The following SLCO3A1 variants were observed in gnomAD, a reference collection of about 807,000 sequenced individuals.
The protein encoded by SLCO3A1 is solute carrier organic anion transporter family member 3A1, also known as PGE1 transporter.
A neutral mutation model predicts 63.1 loss-of-function variants in SLCO3A1; 27 were observed. That is an observed-to-expected ratio of 0.43 (90% CI 0.32 to 0.59). The LOEUF (loss-of-function observed/expected upper bound fraction) is 0.59, where lower values mean the gene tolerates loss of function less well. Among genes scored for constraint, SLCO3A1 ranks in the 20% least tolerant of loss-of-function variants. SLCO3A1 has a pLI of 0.09. For synonymous variants in SLCO3A1, 473 were observed against 409.9 expected, an observed-to-expected ratio of 1.15 and a Z score of -1.86; for missense variants, 773 against 945.8, an observed-to-expected ratio of 0.82 and a Z score of 2.40.
At chr15:91,924,857 C>T (rs774407081) in intron 2 of SLCO3A1, among the ~76,000 whole-genome samples, 32 of 152,324 alleles carry the variant, frequency 2.1e-4, no homozygotes, top group Non-Finnish European at 3.1e-4. Flanking sequence ...AAACCAAAAC[C>T]ATTTGTGGCT....
At chr15:92,160,026 C>T (rs2048417575) in intron 9 of SLCO3A1, among the ~76,000 whole-genome samples, 1 of 152,098 alleles carries the variant, frequency 6.6e-6, no homozygotes, top group African/African-American at 2.4e-5. Flanking sequence ...CCCTCAGTTC[C>T]TTCCAGCAGC....
At chr15:92,141,502 C>A (rs1205428089) in intron 7 of SLCO3A1, among the ~76,000 whole-genome samples, 1 of 152,160 alleles carries the variant, frequency 6.6e-6, no homozygotes, top group African/African-American at 2.4e-5. Flanking sequence ...CCTTTATCAT[C>A]CCCTTAAATT....
At chr15:92,102,382 A>G (rs533538663) in intron 3 of SLCO3A1, among the ~76,000 whole-genome samples, 2 of 152,190 alleles carry the variant, frequency 1.3e-5, no homozygotes, top group African/African-American at 2.4e-5. Context: ...ATATATGTAC[A>G]TAAAAGTGAG....
intron 2 of SLCO3A1, among the ~76,000 whole-genome samples, chr15:92,023,270 C>T (rs1267826599): frequency 6.6e-6 from 1 of 152,130 alleles, no homozygotes; most frequent in Non-Finnish European, 1.5e-5. Flanking sequence ...ACAGAACATA[C>T]AAGGAAAAGT....
intron 2 of SLCO3A1, among the ~76,000 whole-genome samples, chr15:91,935,266 T>C (rs189110872): frequency 6.6e-6 from 1 of 152,260 alleles, no homozygotes; most frequent in East Asian, 1.9e-4. Context: ...CTTCTTAGGA[T>C]AAATAAGAAA....
chr15:92,056,958 C>G (rs1474660806), intron 2 of SLCO3A1, among the ~76,000 whole-genome samples: 3 of 152,180 alleles, frequency 2.0e-5, no homozygotes, highest in African/African-American at 7.2e-5. Flanking sequence ...AATGGAAAGA[C>G]AAACATCATG....
At chr15:92,097,303 C>G (rs138660068) in intron 3 of SLCO3A1, among the ~76,000 whole-genome samples, 1 of 152,342 alleles carries the variant, frequency 6.6e-6, no homozygotes, top group East Asian at 1.9e-4. Flanking sequence ...ACCCCGATCT[C>G]CTGAGCCTGC....
At chr15:92,112,627 C>A (rs2151553403) in intron 4 of SLCO3A1, among the ~76,000 whole-genome samples, 1 of 152,302 alleles carries the variant, frequency 6.6e-6, no homozygotes, top group South Asian at 2.1e-4. Flanking sequence ...CCTCTGGGGG[C>A]CAACAGATCA....
At chr15:92,024,130 A>G (rs892744828) in intron 2 of SLCO3A1, among the ~76,000 whole-genome samples, 1 of 152,260 alleles carries the variant, frequency 6.6e-6, no homozygotes, top group African/African-American at 2.4e-5. Context: ...AACTGTGGAC[A>G]TAGCACAGAC....
At chr15:92,017,333 C>T (rs1483603032) in intron 2 of SLCO3A1, among the ~76,000 whole-genome samples, 1 of 151,606 alleles carries the variant, frequency 6.6e-6, no homozygotes, top group Non-Finnish European at 1.5e-5. Flanking sequence ...ATCTAAGTAG[C>T]AAAAGGAAGC....
chr15:91,983,557 G>C (rs573964642), intron 2 of SLCO3A1, among the ~76,000 whole-genome samples: 1 of 152,276 alleles, frequency 6.6e-6, no homozygotes, highest in African/African-American at 2.4e-5. Context: ...AACGAAGCAT[G>C]AGGCTGAATT....
At chr15:92,011,531 T>G (rs1448312230) in intron 2 of SLCO3A1, among the ~76,000 whole-genome samples, 1 of 152,228 alleles carries the variant, frequency 6.6e-6, no homozygotes, top group African/African-American at 2.4e-5. Flanking sequence ...AAATTCCATC[T>G]TATCAGAGAG....
chr15:92,144,499 A>C (rs958283597), intron 7 of SLCO3A1, among the ~76,000 whole-genome samples: 1 of 152,234 alleles, frequency 6.6e-6, no homozygotes, highest in African/African-American at 2.4e-5. Context: ...TACAGAGAGG[A>C]ACCACCCTTA....
Position 91,941,444 on chromosome 15 carries a change from C to T in SLCO3A1, c.646+24986C>T, listed in dbSNP as rs1899617026. ...GCGCTGTCACTCGTTGAGGTGGTGG[C>T]CTGGTTCCTTTGGCCTTAGGGAAGG... On this transcript the variant is annotated intron_variant, in intron 2 of 9. Coordinates refer to ENST00000318445, the MANE Select transcript of SLCO3A1 (RefSeq NM_013272.4). The surrounding 1 kb of genome is among the most constrained non-coding windows in gnomAD (Gnocchi z 4.4). 2 of 438,192 alleles carry T rather than the reference C, an allele frequency of 4.6e-6. No homozygotes were observed. 27.1% of individuals were successfully genotyped at this position (438,192 alleles called of 1,614,324 possible).
intron 2 of SLCO3A1, among the ~76,000 whole-genome samples, chr15:91,926,596 T>TGTGTGTGTGTGTGTGCGCGCGCGCGCGC: frequency 1.6e-4 from 17 of 105,248 alleles, no homozygotes; most frequent in African/African-American, 5.5e-4. Context: ...TGTGTGTGTG[T>TGTGTGTGTGTGTGTGCGCGCGCGCGCGC]GCGCGCGCGC....
At position 91,896,855 on chromosome 15, in the gene SLCO3A1, C is replaced by T. The variant is rs531004903; in HGVS notation, c.181-19138C>T. On this transcript the variant is annotated intron_variant, in intron 1 of 9. Coordinates refer to ENST00000318445, the MANE Select transcript of SLCO3A1 (RefSeq NM_013272.4). ...TTATGTAAGATGTTTATCATCAGGA[C>T]ATGCTGTATCTTGTAAGAAAATAAT... Among the ~76,000 whole-genome samples, 4 of 152,310 alleles carry T rather than the reference C, an allele frequency of 2.6e-5. No individual in the cohort carries two copies. In the East Asian group the frequency reaches 7.7e-4, roughly 29 times the overall value.
At chr15:92,026,288 A>C (rs1479236385) in intron 2 of SLCO3A1, among the ~76,000 whole-genome samples, 2 of 152,220 alleles carry the variant, frequency 1.3e-5, no homozygotes, top group Non-Finnish European at 2.9e-5. Context: ...CTATCTGCAA[A>C]GTGAAGGAAA....
intron 2 of SLCO3A1, among the ~76,000 whole-genome samples, chr15:91,971,764 G>C (rs1012374233): frequency 1.3e-5 from 2 of 152,136 alleles, no homozygotes; most frequent in African/African-American, 4.8e-5. Context: ...AAAATGTTGT[G>C]AACAGAGGCT....
At chr15:91,958,766 A>T (rs1379696183) in intron 2 of SLCO3A1, among the ~76,000 whole-genome samples, 1 of 152,204 alleles carries the variant, frequency 6.6e-6, no homozygotes, top group African/African-American at 2.4e-5. Context: ...AAGTCAAAAA[A>T]CAATAAATGT....
Sources: allele counts gnomAD v4.1 joint callset (sites outside exome capture counted in the v4.1 genomes callset), GRCh38; gene constraint gnomAD v4.1.1; non-coding constraint Gnocchi (gnomAD v3.1); transcripts MANE v1.5; gene names NCBI Gene and HGNC (gene_info 2026-07-23, HGNC 2026-07-21).